Variants in TG observed in about 807,000 individuals in gnomAD.
TG encodes the protein thyroglobulin.
Under a neutral mutation model 324.7 loss-of-function variants are expected in TG, and 270 were observed. That is an observed-to-expected ratio of 0.83 (90% CI 0.75 to 0.92). TG has a LOEUF of 0.92. Ranked by LOEUF, TG falls within the 40% of genes least tolerant of loss-of-function variation. TG has a pLI of 0.00. For synonymous variants in TG, 1,401 were observed against 1,327.0 expected, an observed-to-expected ratio of 1.06 and a Z score of -1.21; for missense variants, 3,591 against 3,456.4, an observed-to-expected ratio of 1.04 and a Z score of -0.98.
At position 132,887,247 on chromosome 8, in the gene TG, C is replaced by G; in HGVS notation, c.1875C>G (p.Ser625Arg). The G allele has an allele frequency of 1.2e-6, 2 of 1,604,302 alleles. No homozygotes were observed. Among genetic ancestry groups the G allele is most frequent in the East Asian group, 2.2e-5 (1 of 44,754 alleles). The change falls in exon 9 of 48, where the codon AGC becomes AGG. Residue 625 changes from serine (S) to arginine (R), a missense_variant. Transcript: ENST00000220616. ...LFVPSCTTEG[S>R]YEDVQCFSGE... is the part of the protein sequence containing the mutation. ...TCCCATCATGCACGACAGAAGGAAG[C>G]TATGAGGATGTCCAATGCTTTTCCG...
At chr8:133,080,952 T>A (rs1440590267) in intron 41 of TG, among the ~76,000 whole-genome samples, 1 of 152,208 alleles carries the variant, frequency 6.6e-6, no homozygotes, top group Non-Finnish European at 1.5e-5. Flanking sequence ...GGTGTTTTAT[T>A]TGCATCCTAG....
At chr8:133,015,731 C>T (rs528963593) in intron 37 of TG, among the ~76,000 whole-genome samples, 3 of 152,258 alleles carry the variant, frequency 2.0e-5, no homozygotes, top group South Asian at 2.1e-4. Flanking sequence ...AGTGCTTGCC[C>T]AAGACCCCTT....
chr8:133,065,539 A>G (rs999723928), intron 41 of TG, among the ~76,000 whole-genome samples: 3 of 152,190 alleles, frequency 2.0e-5, no homozygotes. Context: ...AGGCAGGTGG[A>G]TCACGTCAGG....
intron 44 of TG, among the ~76,000 whole-genome samples, chr8:133,115,057 G>T (rs1015672887): frequency 3.3e-5 from 5 of 152,218 alleles, no homozygotes; most frequent in Non-Finnish European, 4.4e-5. Context: ...CTGACCCTGA[G>T]AGGCTTATAA....
Position 132,869,751 on chromosome 8 carries a change from G to C in TG, c.199G>C (p.Gly67Arg), listed in dbSNP as rs116340633. 2 of 1,614,144 alleles carry C rather than the reference G, an allele frequency of 1.2e-6. No homozygotes were observed. The highest frequency in any genetic ancestry group is 1.1e-5 in the South Asian group (1 of 91,084). ...CAGGACTGTCCAGTGCCAGAACGAC[G>C]GCCGCTCCTGCTGGTGTGTGGGTGC... ...SFQTVQCQND[G>R]RSCWCVGANG... Residue 67 changes from glycine to arginine, a missense_variant, in exon 3 of 48, where the codon GGC becomes CGC. By Grantham distance (125) the Gly-to-Arg change is moderately radical. Coordinates refer to ENST00000220616, the MANE Select transcript of TG (RefSeq NM_003235.5).
chr8:133,030,762 T>A (rs911504989), intron 41 of TG, among the ~76,000 whole-genome samples: 6 of 150,338 alleles, frequency 4.0e-5, no homozygotes, highest in African/African-American at 1.5e-4. Context: ...AAGGAGGGAG[T>A]TTGGATCAGC....
In TG at chr8:132,939,161, G is replaced by A. The variant is rs1010725264; in HGVS notation, c.5042-2190G>A. ...TGGCCCTGGACTCCAGAGCAGCACC[G>A]TCCAATGGAACCTTTGGCAGTGATG... On this transcript the variant is annotated intron_variant, in intron 25 of 47. Transcript: ENST00000220616. 2.6e-5 allele frequency among the ~76,000 whole-genome samples: 4 copies of A among 151,868 alleles called. No homozygotes were observed. The South Asian group carries it at 6.2e-4, about 24-fold the overall frequency.
chr8:132,952,123 T>C (rs1826192853), intron 27 of TG, among the ~76,000 whole-genome samples: 1 of 152,222 alleles, frequency 6.6e-6, no homozygotes, highest in Admixed American at 6.5e-5. Flanking sequence ...CCAGTGTGAA[T>C]GTCTCCTCAA....
chr8:133,073,223 C>T (rs547245723), intron 41 of TG: 2 of 152,304 alleles, frequency 1.3e-5, no homozygotes, highest in Non-Finnish European at 2.9e-5. Flanking sequence ...TCTATGTTGC[C>T]ATCTTGCTGC....
intron 20 of TG, among the ~76,000 whole-genome samples, chr8:132,918,160 G>T (rs1820637081): frequency 6.6e-6 from 1 of 152,164 alleles, no homozygotes; most frequent in Non-Finnish European, 1.5e-5. Flanking sequence ...GAACCGGTGG[G>T]AGGAAACAGC....
intron 35 of TG, among the ~76,000 whole-genome samples, chr8:133,000,621 G>A (rs1833374159): frequency 6.6e-6 from 1 of 152,196 alleles, no homozygotes; most frequent in Non-Finnish European, 1.5e-5. Flanking sequence ...GCTGCGTGTG[G>A]ATGGAAGGAG....
At chr8:133,129,677 T>G (rs1219750496) in intron 45 of TG, among the ~76,000 whole-genome samples, 1 of 151,958 alleles carries the variant, frequency 6.6e-6, no homozygotes. Context: ...TTGTATTTTT[T>G]GTAGAGATGG....
chr8:133,022,367 T>C (rs1204218309), intron 40 of TG, among the ~76,000 whole-genome samples: 1 of 152,180 alleles, frequency 6.6e-6, no homozygotes, highest in East Asian at 1.9e-4. Context: ...ATGTCTGAGC[T>C]TCACTGCTCC....
intron 45 of TG, among the ~76,000 whole-genome samples, chr8:133,121,061 A>C (rs577975676): frequency 6.6e-6 from 1 of 152,134 alleles, no homozygotes; most frequent in African/African-American, 2.4e-5. Context: ...AGCCATGTTC[A>C]TGCAGAGGCC....
chr8:132,877,109 C>T (rs978602304), intron 5 of TG, among the ~76,000 whole-genome samples: 2 of 152,156 alleles, frequency 1.3e-5, no homozygotes, highest in African/African-American at 2.4e-5. Context: ...ATCAGGCGCT[C>T]TGCTAGGCTA....
chr8:132,923,322 A>T lies in TG; in HGVS notation c.4529-16A>T. The T allele has an allele frequency of 6.2e-7, 1 of 1,613,966 alleles. No homozygotes were observed. The highest frequency in any genetic ancestry group is 1.1e-5 in the South Asian group (1 of 91,058). On this transcript the variant is annotated splice_polypyrimidine_tract_variant and intron_variant, in intron 21 of 47. Transcript: ENST00000220616. ...GAGGCCCATTATTGACGGCTATGTCAATCTATTGGTTCTAGGTGTCACTGA... is the reference window on the plus strand; with the variant it reads ...GAGGCCCATTATTGACGGCTATGTCTATCTATTGGTTCTAGGTGTCACTGA...
chr8:133,029,880 G>A lies in TG; in HGVS notation c.7096G>A (p.Val2366Met). The A allele has an allele frequency of 6.2e-7, 1 of 1,614,238 alleles. No homozygotes were observed. Residue 2366 changes from valine (V) to methionine (M), a missense_variant, in exon 41 of 48, where the codon GTG (valine) becomes ATG (methionine). Val to Met is a conservative substitution (Grantham distance 21). Coordinates refer to ENST00000220616, the MANE Select transcript of TG (RefSeq NM_003235.5). Reference protein sequence around the residue: ...LLDQVAALTWVQTHIRGFGGD... With the variant: ...LLDQVAALTWMQTHIRGFGGD... ...GGACCAGGTGGCGGCTCTGACCTGG[G>A]TGCAGACCCACATCCGAGGATTTGG...
At chr8:133,052,407 T>A (rs1043823509) in intron 41 of TG, among the ~76,000 whole-genome samples, 1 of 152,158 alleles carries the variant, frequency 6.6e-6, no homozygotes, top group African/African-American at 2.4e-5. Context: ...AGAGTGATCT[T>A]TAGTGGCTTT....
At chr8:133,008,564 G>C (rs1356722847) in intron 35 of TG, among the ~76,000 whole-genome samples, 4 of 152,064 alleles carry the variant, frequency 2.6e-5, no homozygotes, top group African/African-American at 9.7e-5. Flanking sequence ...TTCAGGAAAA[G>C]ACTCACACTT....
Sources: allele counts gnomAD v4.1 joint callset (sites outside exome capture counted in the v4.1 genomes callset), GRCh38; gene constraint gnomAD v4.1.1; transcripts MANE v1.5; gene names NCBI Gene and HGNC (gene_info 2026-07-23, HGNC 2026-07-21).